The following THSD7B variants were observed in gnomAD, a reference collection of about 807,000 sequenced individuals.
THSD7B encodes the protein thrombospondin type-1 domain-containing protein 7B.
Under a neutral mutation model 213.6 loss-of-function variants are expected in THSD7B, and 138 were observed. The ratio of observed to expected loss-of-function variants is 0.65; its 90% CI spans 0.56 to 0.74. The LOEUF is 0.74. Among genes scored for constraint, THSD7B ranks in the 30% least tolerant of loss-of-function variants. The pLI is 0.00. For missense variants in THSD7B, 1,931 were observed against 1,991.5 expected (o/e 0.97, Z 0.58); for synonymous variants, 742 against 687.0 (o/e 1.08, Z -1.25).
At chr2:137,391,890 CTTCT>C (rs1312288972) in intron 12 of THSD7B, among the ~76,000 whole-genome samples, 1 of 152,086 alleles carries the variant, frequency 6.6e-6, no homozygotes. Context: ...ATGCTACAGA[CTTCT>C]TTCTTAGCAC....
intron 3 of THSD7B, among the ~76,000 whole-genome samples, chr2:137,070,557 T>A (rs550525785): frequency 2.0e-5 from 3 of 151,890 alleles, no homozygotes; most frequent in South Asian, 2.1e-4. Context: ...TTTTATTTTT[T>A]TTTTAAATTT....
At chr2:137,135,803 C>A (rs1026297519) in intron 5 of THSD7B, among the ~76,000 whole-genome samples, 14 of 151,700 alleles carry the variant, frequency 9.2e-5, no homozygotes, top group African/African-American at 1.2e-4. Context: ...TGCATGTTTG[C>A]CTAAAGATTC....
At chr2:137,291,574 A>G (rs1419991977) in intron 12 of THSD7B, among the ~76,000 whole-genome samples, 1 of 152,190 alleles carries the variant, frequency 6.6e-6, no homozygotes. Flanking sequence ...TCAAATGCAG[A>G]AATTATAACA....
intron 1 of THSD7B, among the ~76,000 whole-genome samples, chr2:136,837,460 T>C (rs979786249): frequency 6.6e-6 from 1 of 152,240 alleles, no homozygotes; most frequent in Non-Finnish European, 1.5e-5. Context: ...AAATCTGTGC[T>C]CTTCCTCCAG....
intron 12 of THSD7B, among the ~76,000 whole-genome samples, chr2:137,362,341 C>G (rs1235013508): frequency 6.6e-6 from 1 of 152,138 alleles, no homozygotes; most frequent in Non-Finnish European, 1.5e-5. Context: ...AGCAAAATAA[C>G]CAGCTAACAT....
At chr2:137,381,838 A>G (rs1172025703) in intron 12 of THSD7B, among the ~76,000 whole-genome samples, 1 of 152,164 alleles carries the variant, frequency 6.6e-6, no homozygotes. Flanking sequence ...ACTTCAGCTC[A>G]AAGACTACGT....
chr2:136,876,968 A>G (rs1683534888), intron 1 of THSD7B, among the ~76,000 whole-genome samples: 1 of 152,106 alleles, frequency 6.6e-6, no homozygotes, highest in African/African-American at 2.4e-5. Flanking sequence ...TGACTGTGGC[A>G]CTGTCTCCTC....
At chr2:137,229,865 C>T (rs1182896123) in intron 7 of THSD7B, among the ~76,000 whole-genome samples, 1 of 152,160 alleles carries the variant, frequency 6.6e-6, no homozygotes. Context: ...ATGCAAAACA[C>T]AGTGCCTGGC....
chr2:137,549,777 G>A (rs1031986032), intron 15 of THSD7B, among the ~76,000 whole-genome samples: 1 of 151,990 alleles, frequency 6.6e-6, no homozygotes, highest in Non-Finnish European at 1.5e-5. Flanking sequence ...AGTCTATCAC[G>A]CAGTATTTGT....
intron 11 of THSD7B, among the ~76,000 whole-genome samples, chr2:137,274,413 A>T (rs1682822752): frequency 6.6e-6 from 1 of 152,084 alleles, no homozygotes; most frequent in African/African-American, 2.4e-5. Context: ...AACTTCTCTC[A>T]ACACATTAAG....
intron 12 of THSD7B, among the ~76,000 whole-genome samples, chr2:137,334,513 A>G (rs1370264287): frequency 1.3e-5 from 2 of 152,038 alleles, no homozygotes; most frequent in African/African-American, 4.8e-5. Flanking sequence ...CTTCAGCTCA[A>G]TATTAACTCC....
At chr2:137,280,807 G>T (rs1179126612) in intron 12 of THSD7B, among the ~76,000 whole-genome samples, 1 of 151,994 alleles carries the variant, frequency 6.6e-6, no homozygotes, top group Non-Finnish European at 1.5e-5. Flanking sequence ...ATGCTAAAAC[G>T]TTAGTACTAA....
intron 3 of THSD7B, among the ~76,000 whole-genome samples, chr2:137,082,223 C>T (rs552148570): frequency 6.6e-6 from 1 of 152,200 alleles, no homozygotes; most frequent in African/African-American, 2.4e-5. Context: ...TCTTCCTCTA[C>T]GTTCCACACG....
intron 12 of THSD7B, among the ~76,000 whole-genome samples, chr2:137,382,983 G>C (rs867593857): frequency 1.7e-4 from 26 of 152,310 alleles, no homozygotes; most frequent in Admixed American, 5.2e-4. Flanking sequence ...AGTAGCCAAT[G>C]GGCTGAGTTT....
intron 1 of THSD7B, among the ~76,000 whole-genome samples, chr2:136,869,509 GACA>G (rs1683396575): frequency 6.6e-6 from 1 of 152,164 alleles, no homozygotes; most frequent in African/African-American, 2.4e-5. Flanking sequence ...TTTAGAACCT[GACA>G]ACATCTTTTA....
intron 15 of THSD7B, among the ~76,000 whole-genome samples, chr2:137,493,684 C>A (rs534590921): frequency 6.6e-6 from 1 of 152,332 alleles, no homozygotes; most frequent in South Asian, 2.1e-4. Flanking sequence ...AAGTTGCTGA[C>A]AACCTTTAAG....
At chr2:136,904,245 G>A (rs75937943) in intron 2 of THSD7B, among the ~76,000 whole-genome samples, 3,148 of 152,228 alleles carry the variant, frequency 0.021, 59 homozygotes, top group East Asian at 0.093. Context: ...CAGTGGCAGA[G>A]GTAACCCACC....
chr2:137,131,339 C>G (rs1688728398), intron 5 of THSD7B, among the ~76,000 whole-genome samples: 1 of 152,078 alleles, frequency 6.6e-6, no homozygotes, highest in African/African-American at 2.4e-5. Flanking sequence ...TGCCTGCTCA[C>G]TCTGATGATA....
chr2:137,041,800 A>G (rs1233246945), intron 2 of THSD7B, among the ~76,000 whole-genome samples: 1 of 152,106 alleles, frequency 6.6e-6, no homozygotes, highest in Non-Finnish European at 1.5e-5. Context: ...AATTGGAAGC[A>G]ATGATTATAT....
Sources: allele counts gnomAD v4.1 joint callset (sites outside exome capture counted in the v4.1 genomes callset), GRCh38; gene constraint gnomAD v4.1.1; transcripts MANE v1.5; gene names NCBI Gene and HGNC (gene_info 2026-07-23, HGNC 2026-07-21).